WDR76: variants seen among roughly 807,000 people sequenced by gnomAD.
WDR76 encodes WD repeat-containing protein 76.
In WDR76, 52 loss-of-function variants were observed where a neutral mutation model predicts 70.2. The observed-to-expected ratio is 0.74, with a 90% CI of 0.59 to 0.93. The LOEUF is 0.93. WDR76 is among the 40% of genes least tolerant of loss of function. The probability of loss-of-function intolerance (pLI) is 0.00; values close to 1 mark genes in which losing one functional copy is unlikely to be tolerated. For synonymous variants in WDR76, 292 were observed against 271.1 expected, an observed-to-expected ratio of 1.08 and a Z score of -0.76; for missense variants, 756 against 760.2, an observed-to-expected ratio of 0.99 and a Z score of 0.07.
At chr15:43,841,557 C>T (rs2087726076) in intron 5 of WDR76, among the ~76,000 whole-genome samples, 1 of 152,108 alleles carries the variant, frequency 6.6e-6, no homozygotes, top group South Asian at 2.1e-4. Flanking sequence ...CCAGGCTGGT[C>T]TGGAACTTCT....
chr15:43,847,022 C>CAAAAAA (rs57096588), intron 8 of WDR76, among the ~76,000 whole-genome samples: 4 of 66,700 alleles, frequency 6.0e-5, no homozygotes, highest in Non-Finnish European at 1.3e-4. Flanking sequence ...AACACCACCT[C>CAAAAAA]AAAAAAAAAA....
At chr15:43,849,374 A>C (rs899493379) in intron 8 of WDR76, among the ~76,000 whole-genome samples, 6 of 152,128 alleles carry the variant, frequency 3.9e-5, no homozygotes, top group Non-Finnish European at 7.4e-5. Flanking sequence ...TCATTTTCTT[A>C]TATTATTTTG....
intron 8 of WDR76, among the ~76,000 whole-genome samples, chr15:43,847,529 C>G (rs1473478088): frequency 2.0e-5 from 3 of 151,904 alleles, no homozygotes; most frequent in Non-Finnish European, 4.4e-5. Flanking sequence ...TCAAGCAGTT[C>G]TCTGCCTCAG....
At chr15:43,840,477 G>C (rs2087711000) in intron 5 of WDR76, among the ~76,000 whole-genome samples, 1 of 152,176 alleles carries the variant, frequency 6.6e-6, no homozygotes, top group African/African-American at 2.4e-5. Flanking sequence ...TGTAGTTTTA[G>C]TGAGTAGAGT....
intron 2 of WDR76, among the ~76,000 whole-genome samples, chr15:43,829,541 C>G (rs1042489442): frequency 1.1e-5 from 1 of 94,328 alleles, no homozygotes; most frequent in Non-Finnish European, 1.9e-5. Context: ...GAGTCTTGTT[C>G]TGTTGCCCAG....
At chr15:43,853,167 G>A (rs567275026) in intron 9 of WDR76, among the ~76,000 whole-genome samples, 97 of 152,184 alleles carry the variant, frequency 6.4e-4, no homozygotes, top group African/African-American at 2.3e-3. Context: ...GGGATTACAG[G>A]TGTGAGCCAC....
chr15:43,832,185 C>T (rs1046319192), intron 2 of WDR76, among the ~76,000 whole-genome samples: 2 of 152,010 alleles, frequency 1.3e-5, no homozygotes, highest in Admixed American at 6.6e-5. Flanking sequence ...AAGTTTGTGC[C>T]ATTCTGATTC....
intron 8 of WDR76, 31 bp from the exon 9 acceptor site, chr15:43,851,054 TTC>T: frequency 6.2e-7 from 1 of 1,606,924 alleles, no homozygotes; most frequent in Non-Finnish European, 8.5e-7. Flanking sequence ...ACTAGTTTTT[TTC>T]TCTCTCCCCT....
intron 8 of WDR76, among the ~76,000 whole-genome samples, chr15:43,847,583 G>A (rs981568410): frequency 8.6e-5 from 13 of 151,966 alleles, no homozygotes; most frequent in Non-Finnish European, 1.8e-4. Context: ...ACCACACCTG[G>A]CTAATTTTTT....
chr15:43,866,025 C>G (rs944372378), intron 12 of WDR76, 103 bp from the exon 13 acceptor site: 1 of 1,381,734 alleles, frequency 7.2e-7, no homozygotes, highest in Non-Finnish European at 9.8e-7. Context: ...AGAAACTTGG[C>G]AGAGAAAACT....
At chr15:43,851,715 C>T (rs570352347) in intron 9 of WDR76, among the ~76,000 whole-genome samples, 1 of 152,180 alleles carries the variant, frequency 6.6e-6, no homozygotes, top group Non-Finnish European at 1.5e-5. Flanking sequence ...GGGAGACTCA[C>T]TTCAGGCCAG....
Position 43,839,724 on chromosome 15 carries a change from A to C in WDR76, c.728A>C (p.Glu243Ala). The part of the protein sequence containing the change: ...APTPPTLVAD[E>A]TPLLPPGPLE... ...ACACCGCCGACATTAGTAGCAGATG[A>C]AACTGTAAGGAAATGTGCAAATATA... Residue 243 changes from glutamate to alanine, a missense_variant, in exon 5 of 13, where the codon GAA (glutamate) becomes GCA (alanine). Physicochemically the swap from Glu to Ala is moderately radical, Grantham distance 107. Coordinates refer to ENST00000263795, the MANE Select transcript of WDR76 (RefSeq NM_024908.4). 1 of 1,604,740 alleles carries C rather than the reference A, an allele frequency of 6.2e-7. No homozygotes were observed. The highest frequency in any genetic ancestry group is 1.1e-5 in the South Asian group (1 of 88,940).
chr15:43,827,153 C>T (rs769950488), intron 1 of WDR76, 61 bp downstream of exon 1: 8 of 1,610,206 alleles, frequency 5.0e-6, no homozygotes, highest in Admixed American at 1.7e-5. Flanking sequence ...GAGGGTTATG[C>T]GGGACACAGG....
intron 12 of WDR76, among the ~76,000 whole-genome samples, chr15:43,862,998 C>T (rs967762873): frequency 6.6e-6 from 1 of 151,624 alleles, no homozygotes; most frequent in Admixed American, 6.6e-5. Context: ...TGCACTGGCA[C>T]GATCTCGGCT....
rs780820379 is a variant in WDR76, at chr15:43,828,351, TACC to T, written c.450_452del (p.Thr151del). ...GTCAGGATGGAGACAGTGATGAAGA[TACC>T]ACACCATCCCTGGTAAGAACTTAAT... On this transcript the variant is annotated inframe_deletion, in exon 2 of 13. Coordinates refer to ENST00000263795, the MANE Select transcript of WDR76 (RefSeq NM_024908.4). 6.2e-7 allele frequency: 1 copy of T among 1,610,010 alleles called. No homozygotes were observed. Among genetic ancestry groups the T allele is most frequent in the East Asian group, 2.2e-5 (1 of 44,832 alleles).
intron 8 of WDR76, among the ~76,000 whole-genome samples, chr15:43,844,571 C>G (rs2087763779): frequency 7.2e-6 from 1 of 139,090 alleles, no homozygotes; most frequent in African/African-American, 2.7e-5. Context: ...AGTGAGTCGA[C>G]ACTGTGCCAT....
Position 43,858,755 on chromosome 15 carries a change from T to C in WDR76, c.1494T>C (p.Ile498=). Residue 498 remains isoleucine, a synonymous_variant, in exon 11 of 13, where the codon ATT becomes ATC. Coordinates refer to ENST00000263795, the MANE Select transcript of WDR76 (RefSeq NM_024908.4). ...CTTTGACTGAACATACAAAGAGCAT[T>C]GCTTCCGCCTATTTTTCACCTCTTA... is the stretch of plus-strand genomic sequence containing the variant. ...LISLTEHTKS[I]ASAYFSPLTG... 6.2e-7 allele frequency: 1 copy of C among 1,614,182 alleles called. No individual in the cohort carries two copies. The highest frequency in any genetic ancestry group is 8.5e-7 in the Non-Finnish European group (1 of 1,180,020).
intron 8 of WDR76, among the ~76,000 whole-genome samples, chr15:43,848,409 C>T (rs1286383241): frequency 4.6e-5 from 7 of 152,234 alleles, no homozygotes; most frequent in African/African-American, 1.7e-4. Flanking sequence ...GGTAAATTGA[C>T]CAAATCCTGA....
intron 8 of WDR76, among the ~76,000 whole-genome samples, chr15:43,844,358 C>T (rs2087761045): frequency 6.6e-6 from 1 of 152,176 alleles, no homozygotes; most frequent in Non-Finnish European, 1.5e-5. Context: ...TGGGTCACGC[C>T]TGTAATGCCA....
Sources: allele counts gnomAD v4.1 joint callset (sites outside exome capture counted in the v4.1 genomes callset), GRCh38; gene constraint gnomAD v4.1.1; transcripts MANE v1.5; gene names NCBI Gene and HGNC (gene_info 2026-07-23, HGNC 2026-07-21).